CLVS1: variants seen among roughly 807,000 people sequenced by gnomAD.
The protein encoded by CLVS1 is clavesin 1.
Under a neutral mutation model 33.1 loss-of-function variants are expected in CLVS1, and 10 were observed. The observed-to-expected ratio is 0.30, with a 90% CI of 0.19 to 0.51. CLVS1 has a LOEUF of 0.51. Ranked by LOEUF, CLVS1 falls within the 20% of genes least tolerant of loss-of-function variation. The pLI is 0.97. For synonymous variants in CLVS1, 163 were observed against 166.1 expected, an observed-to-expected ratio of 0.98 and a Z score of 0.14; for missense variants, 343 against 433.4, an observed-to-expected ratio of 0.79 and a Z score of 1.85.
intron 3 of CLVS1, among the ~76,000 whole-genome samples, chr8:61,380,463 A>G (rs1813827484): frequency 1.3e-5 from 2 of 152,220 alleles, no homozygotes; most frequent in Non-Finnish European, 1.5e-5. Flanking sequence ...TCCTCCTTTT[A>G]GAGCAATGCT....
chr8:61,485,067 T>C (rs1803822786), intron 5 of CLVS1, among the ~76,000 whole-genome samples: 1 of 152,090 alleles, frequency 6.6e-6, no homozygotes, highest in South Asian at 2.1e-4. Context: ...CCAAAAGCAA[T>C]GGCAACAAAA....
intron 1 of CLVS1, among the ~76,000 whole-genome samples, chr8:61,111,183 G>A (rs114890452): frequency 0.013 from 2,010 of 152,218 alleles, 53 homozygotes; most frequent in African/African-American, 0.046. Context: ...ATGCAATGAC[G>A]CTTAAGAGAG....
chr8:61,100,450 TC>T (rs1445433523), intron 1 of CLVS1, among the ~76,000 whole-genome samples: 3 of 152,186 alleles, frequency 2.0e-5, no homozygotes, highest in Non-Finnish European at 2.9e-5. Context: ...TTCTTTGTCT[TC>T]CCCACAAAAG....
chr8:61,051,040 A>G, the CLVS1 span, among the ~76,000 whole-genome samples: 2 of 152,310 alleles, frequency 1.3e-5, no homozygotes, highest in African/African-American at 4.8e-5. Context: ...GGGAGCAGAG[A>G]CAAGAGCAAG....
chr8:61,068,419 C>T (rs1804726710), intron 1 of CLVS1, among the ~76,000 whole-genome samples: 1 of 151,876 alleles, frequency 6.6e-6, no homozygotes, highest in Non-Finnish European at 1.5e-5. Flanking sequence ...ACACACACAG[C>T]AGCTGGCACT....
At chr8:61,387,470 T>TTTC (rs1814131337) in intron 3 of CLVS1, among the ~76,000 whole-genome samples, 2 of 147,736 alleles carry the variant, frequency 1.4e-5, no homozygotes, top group South Asian at 2.1e-4. Flanking sequence ...CAGTTCCTTT[T>TTTC]TTTTTTTTTT....
rs967112449 is a variant in CLVS1 at position 61,127,467 on chromosome 8, G to A, written c.-242-4303G>A. Among the ~76,000 whole-genome samples, 17 of 152,008 alleles carry A rather than the reference G, an allele frequency of 1.1e-4. No homozygotes were observed. The East Asian group carries it at 1.3e-3, about 12-fold the overall frequency. ...ACTCCTGACCTCAGGTAATCCATCC[G>A]CCTTGGCCTCCCAAAGTGCTGGGAT... On this transcript the variant is annotated intron_variant, in intron 1 of 2. Coordinates refer to the CLVS1 transcript ENST00000522621.
intron 1 of CLVS1, among the ~76,000 whole-genome samples, chr8:61,110,531 T>C (rs1216137630): frequency 6.6e-6 from 1 of 152,222 alleles, no homozygotes; most frequent in Non-Finnish European, 1.5e-5. Flanking sequence ...AGTTTTTTAA[T>C]TTAATTGTGG....
rs1252810510 is a variant in CLVS1, at chr8:61,299,577, A to T, written c.-151-100A>T. 3 of 449,240 alleles carry T rather than the reference A, an allele frequency of 6.7e-6. No individual in the cohort carries two copies. The East Asian group carries it at 1.0e-4, about 16-fold the overall frequency. The allele number at this position is 449,240 out of a possible 1,614,324, so 27.8% of individuals were successfully genotyped here. On this transcript the variant is annotated intron_variant, in intron 1 of 5. Coordinates refer to ENST00000325897, the MANE Select transcript of CLVS1 (RefSeq NM_173519.3). ...GGACACCTAATCTAATCAGACCCAC[A>T]GCCTAATATACTGTTTTTCTATCTA...
intron 3 of CLVS1, among the ~76,000 whole-genome samples, chr8:61,424,346 A>G (rs1334956379): frequency 1.3e-5 from 2 of 152,362 alleles, no homozygotes; most frequent in East Asian, 3.9e-4. Context: ...ACACAGCACT[A>G]CAATGAAAGA....
intron 1 of CLVS1, among the ~76,000 whole-genome samples, chr8:61,297,216 G>T (rs376195342): frequency 1.3e-5 from 2 of 152,138 alleles, no homozygotes; most frequent in East Asian, 3.9e-4. Context: ...ACAACTAGAT[G>T]CTAATGATGG....
intron 2 of CLVS1, among the ~76,000 whole-genome samples, chr8:61,196,805 A>G (rs1019741258): frequency 6.6e-6 from 1 of 152,220 alleles, no homozygotes; most frequent in Non-Finnish European, 1.5e-5. Context: ...TTATTTAGGC[A>G]TGTGGCCATC....
intron 2 of CLVS1, among the ~76,000 whole-genome samples, chr8:61,194,260 G>T (rs971310634): frequency 7.2e-5 from 11 of 151,970 alleles, no homozygotes; most frequent in Admixed American, 6.6e-4. Context: ...TATAAAGATT[G>T]TCAGCTTGGA....
At position 61,419,834 on chromosome 8, in the gene CLVS1, C is replaced by T. The variant is rs552017447; in HGVS notation, c.631-34307C>T. 5.3e-5 allele frequency among the ~76,000 whole-genome samples: 8 copies of T among 152,334 alleles called. No individual in the cohort carries two copies. The South Asian group carries it at 1.5e-3, about 28-fold the overall frequency. ...ACTTAACTGCATATCTGCAAACTGC[C>T]TGTCAAAGACATGACATCCAAAGGG... On this transcript the variant is annotated intron_variant, in intron 3 of 5. Transcript: ENST00000325897.
intron 2 of CLVS1, among the ~76,000 whole-genome samples, chr8:61,312,366 T>C (rs1810859775): frequency 6.6e-6 from 1 of 152,248 alleles, no homozygotes; most frequent in Admixed American, 6.5e-5. Flanking sequence ...AAGCCATTTA[T>C]TGTGAGTGTT....
the CLVS1 span, among the ~76,000 whole-genome samples, chr8:61,020,972 C>G: frequency 6.6e-6 from 1 of 152,234 alleles, no homozygotes; most frequent in Non-Finnish European, 1.5e-5. Context: ...ACACCTACCC[C>G]ACCAGCATGA....
chr8:61,203,172 G>A (rs1807773078), intron 2 of CLVS1: 18 of 1,140,306 alleles, frequency 1.6e-5, no homozygotes, highest in South Asian at 4.9e-5. Flanking sequence ...AATTGCTTCC[G>A]GATGACTGAC....
At chr8:61,499,358 T>TAA in intron 5 of CLVS1, 97 bp from the exon 6 acceptor site, 1 of 725,518 alleles carries the variant, frequency 1.4e-6, no homozygotes, top group East Asian at 2.9e-5. Context: ...GAGTGTCTAT[T>TAA]AAAAAGAGAA....
At chr8:61,073,296 T>C (rs1247769140) in intron 1 of CLVS1, among the ~76,000 whole-genome samples, 1 of 152,236 alleles carries the variant, frequency 6.6e-6, no homozygotes, top group Non-Finnish European at 1.5e-5. Context: ...ATTACTGTAT[T>C]CAGTGGTGTA....
Sources: allele counts gnomAD v4.1 joint callset (sites outside exome capture counted in the v4.1 genomes callset), GRCh38; gene constraint gnomAD v4.1.1; transcripts MANE v1.5; gene names NCBI Gene and HGNC (gene_info 2026-07-23, HGNC 2026-07-21).